HLCS: variants seen among roughly 807,000 people sequenced by gnomAD.
HLCS encodes biotin--protein ligase.
HLCS carries 53 observed loss-of-function variants against 75.0 expected under a neutral mutation model. That is an observed-to-expected ratio of 0.71 (90% CI 0.57 to 0.89). HLCS has a LOEUF of 0.89. HLCS is among the 40% of genes least tolerant of loss of function. HLCS has a pLI of 0.00. For synonymous variants in HLCS, 431 were observed against 428.6 expected (o/e 1.01, Z -0.07); for missense variants, 966 against 1,074.0 (o/e 0.90, Z 1.41).
intron 6 of HLCS, among the ~76,000 whole-genome samples, chr21:36,782,137 T>C (rs2145841090): frequency 6.6e-6 from 1 of 152,318 alleles, no homozygotes; most frequent in South Asian, 2.1e-4. Flanking sequence ...TTATACTGTC[T>C]TTAACAGATT....
intron 5 of HLCS, among the ~76,000 whole-genome samples, chr21:36,921,399 C>T (rs546664667): frequency 1.3e-5 from 2 of 151,692 alleles, no homozygotes; most frequent in East Asian, 1.9e-4. Context: ...GAGCCGAGAT[C>T]GTGCCACTGC....
chr21:36,940,058 A>T (rs1793462487), intron 2 of HLCS, among the ~76,000 whole-genome samples: 1 of 152,116 alleles, frequency 6.6e-6, no homozygotes, highest in Non-Finnish European at 1.5e-5. Context: ...CAAAAACATA[A>T]ATAAATAAAT....
intron 6 of HLCS, among the ~76,000 whole-genome samples, chr21:36,791,415 A>G (rs991324795): frequency 1.3e-5 from 2 of 152,224 alleles, no homozygotes; most frequent in African/African-American, 2.4e-5. Flanking sequence ...TGAACCAAAA[A>G]TGAAAAAACA....
At chr21:36,966,682 C>T, upstream of HLCS, 2 of 931,042 alleles carry the variant, frequency 2.1e-6, no homozygotes, top group Non-Finnish European at 2.6e-6. Context: ...CCGCCCGCCC[C>T]AGCGCCCCAG....
chr21:36,786,803 C>A (rs1277902139), intron 6 of HLCS, among the ~76,000 whole-genome samples: 3 of 152,194 alleles, frequency 2.0e-5, no homozygotes, highest in East Asian at 1.9e-4. Flanking sequence ...CCAAGGAAAT[C>A]GTAAGCAAAA....
chr21:36,768,284 T>C (rs2090114716), intron 6 of HLCS, among the ~76,000 whole-genome samples: 1 of 152,138 alleles, frequency 6.6e-6, no homozygotes, highest in Non-Finnish European at 1.5e-5. Context: ...TGGCATTTTG[T>C]AATAACATAA....
In HLCS at chr21:36,938,986, C is replaced by A. The variant is rs768505573; in HGVS notation, c.339G>T (p.Lys113Asn). ...CTAATGGCAAACAACAGTCTGACCA[C>A]TTGACAATCTGAGAAAAAGCAGGAG... is the stretch of plus-strand genomic sequence containing the variant. ...QRSSSSETIV[K>N]WSDCCLPLAC... is the part of the protein sequence containing the mutation. Residue 113 changes from lysine to asparagine, a missense_variant, in exon 3 of 11, where the codon AAG (lysine) becomes AAT (asparagine). Physicochemically the swap from Lys to Asn is moderately conservative, Grantham distance 94. Coordinates refer to ENST00000674895, the MANE Select transcript of HLCS (RefSeq NM_001352514.2). The A allele has an allele frequency of 4.4e-6, 7 of 1,606,778 alleles. No homozygotes were observed. The South Asian group carries it at 7.7e-5, about 18-fold the overall frequency.
chr21:36,926,565 T>A (rs1396286804), intron 5 of HLCS, among the ~76,000 whole-genome samples: 1 of 152,164 alleles, frequency 6.6e-6, no homozygotes, highest in Non-Finnish European at 1.5e-5. Context: ...TCATAACAAA[T>A]AACCAATTTG....
At chr21:36,923,012 C>T (rs1318142527) in intron 5 of HLCS, among the ~76,000 whole-genome samples, 4 of 152,220 alleles carry the variant, frequency 2.6e-5, no homozygotes, top group Admixed American at 6.5e-5. Flanking sequence ...GGCCCGGGAG[C>T]GCCAGACTCA....
Position 36,966,444 on chromosome 21 carries a change from C to CCCCGGGGGGG in HLCS, c.194_195insCCCCCCCGGG (p.Gln65HisfsTer7). The CCCCGGGGGGG allele has an allele frequency of 2.1e-6, 2 of 975,092 alleles. No homozygotes were observed. Among genetic ancestry groups the CCCCGGGGGGG allele is most frequent in the African/African-American group, 1.8e-5 (1 of 56,876 alleles). The allele number at this position is 975,092 out of a possible 1,614,324, so 60.4% of individuals were successfully genotyped here. A position where few individuals can be genotyped will look rare whatever the true frequency, so the allele number is the denominator to read the frequency against. ...TCGCCCGCCCGCCCGACCCGCCCAC[C>CCCCGGGGGGG]TGGCTGTCGCTGACGCAGAAGACGC... On this transcript the variant is annotated frameshift_variant and splice_region_variant, in exon 1 of 11. Transcript: ENST00000674895. LOFTEE classifies it high-confidence loss of function.
At chr21:36,905,977 G>A (rs2065431294) in intron 5 of HLCS, among the ~76,000 whole-genome samples, 1 of 150,476 alleles carries the variant, frequency 6.6e-6, no homozygotes, top group African/African-American at 2.5e-5. Flanking sequence ...TTGAACCTGG[G>A]AGGCAGAGGT....
chr21:36,915,755 C>T (rs567269066), intron 5 of HLCS, among the ~76,000 whole-genome samples: 3 of 150,746 alleles, frequency 2.0e-5, no homozygotes, highest in East Asian at 3.9e-4. Context: ...CTTCTAGAAA[C>T]TGTTTAACAT....
At chr21:36,861,178 G>C (rs76183125) in intron 6 of HLCS, among the ~76,000 whole-genome samples, 1 of 151,990 alleles carries the variant, frequency 6.6e-6, no homozygotes, top group South Asian at 2.1e-4. Flanking sequence ...TAGCACAGGC[G>C]GTGTCTCTAC....
In HLCS at chr21:36,963,693, G is replaced by A. The variant is rs571069680; in HGVS notation, c.196-1523C>T. On this transcript the variant is annotated intron_variant, in intron 1 of 10. Transcript: ENST00000674895. ...TTTGAACCCGGGAGGCAGAAGTTGC[G>A]GGGAGCCGAGATCGTGCCATTGCAC... Among the ~76,000 whole-genome samples, 29 of 152,134 alleles carry A rather than the reference G, an allele frequency of 1.9e-4. 1 individual carries two copies. The East Asian group carries it at 3.1e-3, about 16-fold the overall frequency.
At chr21:36,860,393 C>T (rs1184238803) in intron 6 of HLCS, among the ~76,000 whole-genome samples, 1 of 133,168 alleles carries the variant, frequency 7.5e-6, no homozygotes, top group African/African-American at 2.6e-5. Flanking sequence ...GGAAGTCAGG[C>T]TAATTCCCCA....
chr21:36,832,309 T>C (rs1176847339), intron 6 of HLCS, among the ~76,000 whole-genome samples: 2 of 152,176 alleles, frequency 1.3e-5, no homozygotes, highest in South Asian at 2.1e-4. Context: ...TCCCTGACTA[T>C]GCACATAGCC....
intron 6 of HLCS, among the ~76,000 whole-genome samples, chr21:36,861,010 C>T (rs2063364356): frequency 6.6e-6 from 1 of 152,292 alleles, no homozygotes; most frequent in East Asian, 1.9e-4. Flanking sequence ...TCACCTCTCC[C>T]AATGGTGGTT....
At chr21:36,821,232 C>A (rs1268380346) in intron 6 of HLCS, among the ~76,000 whole-genome samples, 1 of 152,204 alleles carries the variant, frequency 6.6e-6, no homozygotes, top group Non-Finnish European at 1.5e-5. Flanking sequence ...GAGGGCTGAG[C>A]TGGCCACTGT....
intron 6 of HLCS, among the ~76,000 whole-genome samples, chr21:36,826,619 C>T (rs2062016658): frequency 6.6e-6 from 1 of 152,208 alleles, no homozygotes; most frequent in South Asian, 2.1e-4. Context: ...CTCCAACTAG[C>T]ACAGGGTAAA....
Sources: allele counts gnomAD v4.1 joint callset (sites outside exome capture counted in the v4.1 genomes callset), GRCh38; gene constraint gnomAD v4.1.1; transcripts MANE v1.5; gene names NCBI Gene and HGNC (gene_info 2026-07-23, HGNC 2026-07-21).